Variants in CHST8 observed in about 807,000 individuals in gnomAD.
CHST8 encodes GALNAC-4-ST1.
CHST8 carries 10 observed loss-of-function variants against 15.0 expected under a neutral mutation model. The ratio of observed to expected loss-of-function variants is 0.67; its 90% CI spans 0.41 to 1.13. The LOEUF (loss-of-function observed/expected upper bound fraction) is 1.13. Among genes scored for constraint, CHST8 ranks in the 50% most tolerant of loss-of-function variants. CHST8 has a pLI of 0.00. For synonymous variants in CHST8, 259 were observed against 256.6 expected (o/e 1.01, Z -0.09); for missense variants, 634 against 608.2 (o/e 1.04, Z -0.45).
chr19:33,766,665 T>G (rs1974852246), intron 3 of CHST8, among the ~76,000 whole-genome samples: 1 of 152,154 alleles, frequency 6.6e-6, no homozygotes, highest in Non-Finnish European at 1.5e-5. Flanking sequence ...AAGCTCAGAA[T>G]CCGGGTACTG....
At chr19:33,628,620 T>A (rs1490143354) in intron 1 of CHST8, among the ~76,000 whole-genome samples, 1 of 152,170 alleles carries the variant, frequency 6.6e-6, no homozygotes, top group East Asian at 1.9e-4. Flanking sequence ...AGGCGGTGCG[T>A]CTACGCTGGT....
intron 3 of CHST8, among the ~76,000 whole-genome samples, chr19:33,762,942 A>C (rs962331310): frequency 2.6e-5 from 4 of 151,188 alleles, no homozygotes; most frequent in African/African-American, 7.3e-5. Flanking sequence ...GCTCACTGCA[A>C]TCTCTAACCT....
At chr19:33,757,414 GAAAGAAAGAAAGAAA>G (rs1974574804) in intron 3 of CHST8, among the ~76,000 whole-genome samples, 1 of 6,936 alleles carries the variant, frequency 1.4e-4, no homozygotes, top group South Asian at 5.1e-3. Context: ...AAGAAAGAAA[GAAAGAAAGAAAGAAA>G]GAAAGAAAGA....
chr19:33,763,850 A>G (rs1314120782), intron 3 of CHST8, among the ~76,000 whole-genome samples: 2 of 152,244 alleles, frequency 1.3e-5, no homozygotes, highest in African/African-American at 4.8e-5. Flanking sequence ...GAGACCTCAC[A>G]AGGGCAGAGC....
intron 1 of CHST8, among the ~76,000 whole-genome samples, chr19:33,647,625 C>T (rs1412883315): frequency 1.3e-5 from 2 of 151,910 alleles, no homozygotes; most frequent in Non-Finnish European, 2.9e-5. Context: ...GCGGGTGGAT[C>T]GCTTGAGGAC....
intron 3 of CHST8, among the ~76,000 whole-genome samples, chr19:33,694,169 CATATATAT>C (rs397842550): frequency 0.019 from 758 of 39,970 alleles, 11 homozygotes; most frequent in East Asian, 0.022. Context: ...GTAGTTTATT[CATATATAT>C]ATATATATAT....
At chr19:33,705,672 T>C (rs759544668) in intron 3 of CHST8, among the ~76,000 whole-genome samples, 3 of 152,064 alleles carry the variant, frequency 2.0e-5, no homozygotes, top group African/African-American at 4.8e-5. Flanking sequence ...CTTCCCACAG[T>C]GATGGGGTGT....
At chr19:33,698,950 G>C (rs1306624408) in intron 3 of CHST8, among the ~76,000 whole-genome samples, 1 of 152,180 alleles carries the variant, frequency 6.6e-6, no homozygotes, top group African/African-American at 2.4e-5. Context: ...AGGGCTATGG[G>C]AGAGCCTTGC....
chr19:33,682,099 C>T (rs1972898955), intron 2 of CHST8, among the ~76,000 whole-genome samples: 1 of 151,954 alleles, frequency 6.6e-6, no homozygotes, highest in Non-Finnish European at 1.5e-5. Context: ...AGGTGATCCA[C>T]CCGCCTTGGC....
intron 1 of CHST8, among the ~76,000 whole-genome samples, chr19:33,650,280 AG>A (rs1041881454): frequency 3.3e-5 from 5 of 152,134 alleles, no homozygotes; most frequent in African/African-American, 1.2e-4. Context: ...CTTGGCCAAG[AG>A]GGGGACTGTT....
intron 1 of CHST8, among the ~76,000 whole-genome samples, chr19:33,626,952 T>G (rs968660771): frequency 6.6e-6 from 1 of 151,700 alleles, no homozygotes; most frequent in African/African-American, 2.4e-5. Context: ...CCATGTCCAT[T>G]AATTTTTAAT....
At chr19:33,679,029 G>C (rs1311248074) in intron 2 of CHST8, among the ~76,000 whole-genome samples, 1 of 152,228 alleles carries the variant, frequency 6.6e-6, no homozygotes, top group Non-Finnish European at 1.5e-5. Context: ...GGGCCTCCTT[G>C]TGCCAGCCAC....
intron 3 of CHST8, among the ~76,000 whole-genome samples, chr19:33,766,231 CCTCT>C (rs1371069484): frequency 2.0e-5 from 3 of 151,984 alleles, no homozygotes; most frequent in African/African-American, 7.3e-5. Context: ...CTCTCCCTTC[CCTCT>C]CTCTTTCTCT....
At chr19:33,628,095 G>C (rs1972079670) in intron 1 of CHST8, among the ~76,000 whole-genome samples, 1 of 152,180 alleles carries the variant, frequency 6.6e-6, no homozygotes, top group African/African-American at 2.4e-5. Context: ...CCCTTCAGCT[G>C]CGGTCTGAAG....
At chr19:33,736,413 C>T (rs1219525286) in intron 3 of CHST8, among the ~76,000 whole-genome samples, 1 of 152,156 alleles carries the variant, frequency 6.6e-6, no homozygotes, top group African/African-American at 2.4e-5. Context: ...ATGATTTGCA[C>T]CAGGCTGTTT....
At chr19:33,703,350 C>A (rs1474137819) in intron 3 of CHST8, among the ~76,000 whole-genome samples, 1 of 152,250 alleles carries the variant, frequency 6.6e-6, no homozygotes. Flanking sequence ...CTGTTCCTAA[C>A]ACAGGCAGCA....
At chr19:33,688,502 A>G (rs866065476) in intron 2 of CHST8, among the ~76,000 whole-genome samples, 1 of 152,168 alleles carries the variant, frequency 6.6e-6, no homozygotes, top group African/African-American at 2.4e-5. Context: ...GGCCTCGAGC[A>G]CAGGGACTCC....
chr19:33,669,539 C>T (rs953223805), intron 2 of CHST8, among the ~76,000 whole-genome samples: 1 of 152,156 alleles, frequency 6.6e-6, no homozygotes, highest in Non-Finnish European at 1.5e-5. Context: ...CTCTGCTTCA[C>T]ATGAGAGAAA....
intron 3 of CHST8, among the ~76,000 whole-genome samples, chr19:33,712,803 A>AC (rs1973584058): frequency 6.6e-6 from 1 of 151,530 alleles, no homozygotes; most frequent in Non-Finnish European, 1.5e-5. Flanking sequence ...CAAAACCCCC[A>AC]CCCCCAACTT....
Sources: gnomAD v4.1 joint callset for allele counts (sites outside exome capture counted in the v4.1 genomes callset) on GRCh38, gnomAD v4.1.1 for gene constraint, MANE v1.5 for transcripts, NCBI Gene and HGNC (gene_info 2026-07-23, HGNC 2026-07-21) for gene names.